PCDHA1: variants seen among roughly 807,000 people sequenced by gnomAD.
PCDHA1 encodes protocadherin alpha-1.
Under a neutral mutation model 61.3 loss-of-function variants are expected in PCDHA1, and 42 were observed. That is an observed-to-expected ratio of 0.69 (90% CI 0.54 to 0.89). PCDHA1 has a LOEUF of 0.89. Among genes scored for constraint, PCDHA1 ranks in the 40% least tolerant of loss-of-function variants. The pLI, the probability that PCDHA1 is intolerant of heterozygous loss-of-function variation, is 0.00. For missense variants in PCDHA1, 1,256 were observed against 1,235.3 expected, an observed-to-expected ratio of 1.02 and a Z score of -0.25; for synonymous variants, 610 against 553.8, an observed-to-expected ratio of 1.10 and a Z score of -1.43.
intron 3 of PCDHA1, among the ~76,000 whole-genome samples, chr5:140,985,689 C>A (rs1237077456): frequency 6.6e-6 from 1 of 151,906 alleles, no homozygotes; most frequent in African/African-American, 2.4e-5. Flanking sequence ...TTACGCTAAT[C>A]CTCGTTCATA....
At chr5:140,807,927 A>C in intron 1 of PCDHA1, 1 of 1,614,142 alleles carries the variant, frequency 6.2e-7, no homozygotes, top group South Asian at 1.1e-5. Context: ...AGAACCATTT[A>C]TAAGGTGAGA....
chr5:140,871,179 G>C (rs374404426), intron 1 of PCDHA1: 44 of 1,613,428 alleles, frequency 2.7e-5, no homozygotes, highest in Non-Finnish European at 3.5e-5. Context: ...AGGCTGCGCT[G>C]GTGGATGTCA....
chr5:140,988,957 C>G (rs2097322513), intron 3 of PCDHA1: 1 of 152,120 alleles, frequency 6.6e-6, no homozygotes. Context: ...TTCCTTCAAG[C>G]CCCACGATGG....
intron 1 of PCDHA1, among the ~76,000 whole-genome samples, chr5:140,924,131 T>C (rs2081690578): frequency 6.6e-6 from 1 of 152,234 alleles, no homozygotes; most frequent in African/African-American, 2.4e-5. Flanking sequence ...CTTAGCAGCA[T>C]TAATTTAAAA....
At chr5:140,899,402 G>C (rs1465071147) in intron 1 of PCDHA1, among the ~76,000 whole-genome samples, 20 of 152,122 alleles carry the variant, frequency 1.3e-4, no homozygotes, top group East Asian at 7.7e-4. Flanking sequence ...TAGCATGAAG[G>C]GTTGTTGAAT....
chr5:140,871,094 T>A, intron 1 of PCDHA1: 3 of 1,613,260 alleles, frequency 1.9e-6, no homozygotes, highest in Non-Finnish European at 2.5e-6. Context: ...ACGGCCACCG[T>A]GCTGGTGTCG....
intron 1 of PCDHA1, chr5:140,857,282 C>T: frequency 6.3e-7 from 1 of 1,598,744 alleles, no homozygotes; most frequent in Non-Finnish European, 8.6e-7. Flanking sequence ...GGACAGCGCT[C>T]TGGACCGCGA....
chr5:140,792,487 C>T (rs545895108), intron 1 of PCDHA1, among the ~76,000 whole-genome samples: 7 of 151,976 alleles, frequency 4.6e-5, no homozygotes, highest in South Asian at 2.1e-4. Flanking sequence ...ATTTGCTGAG[C>T]ATGGCTTCTT....
At chr5:140,883,759 G>A (rs1554179777) in intron 1 of PCDHA1, 1 of 1,612,704 alleles carries the variant, frequency 6.2e-7, no homozygotes, top group African/African-American at 1.3e-5. Context: ...TGGTGGAGCG[G>A]CGGGTGGGCG....
In PCDHA1 at chr5:140,929,054, C is replaced by T. The variant is rs782514800; in HGVS notation, c.2395-49895C>T. 27 of 1,614,056 alleles carry T rather than the reference C, an allele frequency of 1.7e-5. No individual in the cohort carries two copies. The highest frequency in any genetic ancestry group is 2.1e-5 in the Non-Finnish European group (25 of 1,180,042). ...TGTTGCGCTCAGAGCTGCTGTCGCT[C>T]TACAGAGGATCTGAGGTATGGAAGT... is the stretch of plus-strand genomic sequence containing the variant. On this transcript the variant is annotated intron_variant, in intron 1 of 3. Coordinates refer to ENST00000504120, the MANE Select transcript of PCDHA1 (RefSeq NM_018900.4).
At chr5:140,852,901 CA>C in intron 1 of PCDHA1, 4 of 823,926 alleles carry the variant, frequency 4.9e-6, no homozygotes, top group Non-Finnish European at 6.0e-6. Context: ...TTTTTTGAGT[CA>C]GAGTCTCGCT....
chr5:140,926,420 T>G, intron 1 of PCDHA1: 1 of 152,792 alleles, frequency 6.5e-6, no homozygotes, highest in Non-Finnish European at 1.5e-5. Context: ...GGGCAGAGGA[T>G]GTGGAGGTTA....
intron 1 of PCDHA1, among the ~76,000 whole-genome samples, chr5:140,943,548 G>A (rs1280986902): frequency 6.6e-6 from 1 of 152,152 alleles, no homozygotes; most frequent in African/African-American, 2.4e-5. Context: ...GTAAATAGAC[G>A]TAGACAATAA....
chr5:140,869,040 G>A, intron 1 of PCDHA1: 23 of 1,529,286 alleles, frequency 1.5e-5, no homozygotes, highest in Non-Finnish European at 1.9e-5. Flanking sequence ...TTTTTAACCT[G>A]AAACTGAAGA....
At chr5:140,949,603 A>G (rs1218724530) in intron 1 of PCDHA1, among the ~76,000 whole-genome samples, 3 of 151,662 alleles carry the variant, frequency 2.0e-5, no homozygotes, top group Non-Finnish European at 4.4e-5. Flanking sequence ...TGGCCATTCT[A>G]GTCTCATGTT....
chr5:140,850,170 AACG>A (rs2150470514), intron 1 of PCDHA1: 1 of 1,594,520 alleles, frequency 6.3e-7, no homozygotes, highest in Non-Finnish European at 8.6e-7. Context: ...GCTGGACGAG[AACG>A]ACAATGCGCC....
intron 1 of PCDHA1, among the ~76,000 whole-genome samples, chr5:140,944,212 G>A (rs2093625655): frequency 6.6e-6 from 1 of 152,158 alleles, no homozygotes; most frequent in Non-Finnish European, 1.5e-5. Flanking sequence ...TTTTTAAAGA[G>A]GGTTTTACTC....
chr5:140,957,159 C>G (rs2095337596), intron 1 of PCDHA1, among the ~76,000 whole-genome samples: 1 of 151,974 alleles, frequency 6.6e-6, no homozygotes, highest in Non-Finnish European at 1.5e-5. Flanking sequence ...GGAGACAAAT[C>G]TAAGTATATA....
At chr5:140,971,843 G>A (rs1250084892) in intron 1 of PCDHA1, among the ~76,000 whole-genome samples, 2 of 151,906 alleles carry the variant, frequency 1.3e-5, no homozygotes, top group African/African-American at 4.8e-5. Flanking sequence ...TGCAAGTCAT[G>A]CGTTAAATAT....
Sources: allele counts gnomAD v4.1 joint callset (sites outside exome capture counted in the v4.1 genomes callset), GRCh38; gene constraint gnomAD v4.1.1; transcripts MANE v1.5; gene names NCBI Gene and HGNC (gene_info 2026-07-23, HGNC 2026-07-21).